Variants in SPOP observed in about 807,000 individuals in gnomAD.
SPOP encodes speckle type BTB/POZ protein.
In SPOP, 11 loss-of-function variants were observed where a neutral mutation model predicts 45.6. The observed-to-expected ratio is 0.24, with a 90% CI of 0.15 to 0.40. The LOEUF (loss-of-function observed/expected upper bound fraction) is 0.40. SPOP is among the 10% of genes least tolerant of loss of function. The pLI is 1.00. For missense variants in SPOP, 152 were observed against 465.6 expected (o/e 0.33, Z 6.20); for synonymous variants, 166 against 166.3 (o/e 1.00, Z 0.01).
Position 49,602,012 on chromosome 17 carries a change from A to G in SPOP, c.838-5T>C, listed in dbSNP as rs2071749051. 3 of 1,613,842 alleles carry G rather than the reference A, an allele frequency of 1.9e-6. No homozygotes were observed. The highest frequency in any genetic ancestry group is 1.6e-4 in the Middle Eastern group (1 of 6,082). On this transcript the variant is annotated splice_region_variant and splice_polypyrimidine_tract_variant and intron_variant, in intron 8 of 9. Coordinates refer to ENST00000504102, the MANE Select transcript of SPOP (RefSeq NM_001007228.2). ...CTTTAAGCGCTCCAGGGCATACTGT[A>G]AAACACAAGCACTGCTGTCATCAGA...
chr17:49,670,620 T>C (rs1326718139), intron 1 of SPOP, among the ~76,000 whole-genome samples: 1 of 152,210 alleles, frequency 6.6e-6, no homozygotes, highest in Non-Finnish European at 1.5e-5. Context: ...CGAAACCCAC[T>C]TTAGAATGCA....
At chr17:49,632,262 T>C (rs114403994) in intron 1 of SPOP, among the ~76,000 whole-genome samples, 3 of 152,326 alleles carry the variant, frequency 2.0e-5, no homozygotes, top group African/African-American at 7.2e-5. Context: ...TAAGAATTTA[T>C]TGAGTACATT....
At chr17:49,602,147 C>T in intron 8 of SPOP, 140 bp from the exon 9 acceptor site, 1 of 898,964 alleles carries the variant, frequency 1.1e-6, no homozygotes, top group South Asian at 2.3e-5. Flanking sequence ...GCTACTACTG[C>T]AATGATAAAA....
intron 3 of SPOP, among the ~76,000 whole-genome samples, chr17:49,620,020 A>G (rs2072186103): frequency 6.6e-6 from 1 of 152,026 alleles, no homozygotes; most frequent in Admixed American, 6.6e-5. Context: ...AAAGAAAAAA[A>G]CTAGTTGGGC....
intron 1 of SPOP, among the ~76,000 whole-genome samples, chr17:49,652,172 A>G (rs1309433883): frequency 6.6e-6 from 1 of 152,194 alleles, no homozygotes; most frequent in African/African-American, 2.4e-5. Flanking sequence ...TTGGATTCTG[A>G]GTATTTGGAT....
chr17:49,610,291 T>C (rs2071943975), intron 6 of SPOP, among the ~76,000 whole-genome samples: 1 of 151,926 alleles, frequency 6.6e-6, no homozygotes, highest in African/African-American at 2.4e-5. Context: ...TGATCTCGGC[T>C]CACTGCAACC....
At chr17:49,602,180 A>T in intron 8 of SPOP, 173 bp from the exon 9 acceptor site, 1 of 686,590 alleles carries the variant, frequency 1.5e-6, no homozygotes, top group Non-Finnish European at 2.2e-6. Flanking sequence ...TGAAGGTTAG[A>T]TGTTTAAGCT....
At chr17:49,638,358 AGGCAGGC>A (rs1235630516) in intron 1 of SPOP, among the ~76,000 whole-genome samples, 1 of 152,220 alleles carries the variant, frequency 6.6e-6, no homozygotes, top group Non-Finnish European at 1.5e-5. Flanking sequence ...TGGGAGGCCG[AGGCAGGC>A]GGATCACGAG....
chr17:49,663,707 C>T (rs1445963968), intron 1 of SPOP, among the ~76,000 whole-genome samples: 1 of 152,150 alleles, frequency 6.6e-6, no homozygotes, highest in African/African-American at 2.4e-5. Flanking sequence ...GCTGCTTTTT[C>T]CATGGAACCC....
chr17:49,630,012 C>T (rs1259627519), intron 1 of SPOP, among the ~76,000 whole-genome samples: 4 of 152,132 alleles, frequency 2.6e-5, no homozygotes, highest in Non-Finnish European at 4.4e-5. Context: ...TGGCTGGGAA[C>T]AGACCAGAGA....
At chr17:49,628,057 A>C (rs1330999094) in intron 1 of SPOP, among the ~76,000 whole-genome samples, 1 of 152,200 alleles carries the variant, frequency 6.6e-6, no homozygotes, top group Non-Finnish European at 1.5e-5. Flanking sequence ...CAGCAGAAAA[A>C]AATTTTAGAA....
chr17:49,661,961 C>T (rs1160225951), intron 1 of SPOP, among the ~76,000 whole-genome samples: 1 of 144,886 alleles, frequency 6.9e-6, no homozygotes, highest in Non-Finnish European at 1.5e-5. Context: ...TGCGGTGAGC[C>T]GAAATCATGC....
intron 1 of SPOP, among the ~76,000 whole-genome samples, chr17:49,637,370 G>A (rs545830887): frequency 3.0e-4 from 45 of 151,940 alleles, no homozygotes; most frequent in Non-Finnish European, 4.9e-4. Flanking sequence ...TTTTTTTTGA[G>A]ATGAAATCTC....
intron 5 of SPOP, among the ~76,000 whole-genome samples, chr17:49,614,971 G>A (rs2072053197): frequency 6.6e-6 from 1 of 151,904 alleles, no homozygotes; most frequent in Non-Finnish European, 1.5e-5. Flanking sequence ...CAATCCTCCT[G>A]CTTCACCCTC....
At chr17:49,602,164 C>T (rs936235920) in intron 8 of SPOP, 157 bp from the exon 9 acceptor site, 17 of 785,834 alleles carry the variant, frequency 2.2e-5, no homozygotes, top group Non-Finnish European at 3.2e-5. Context: ...AAAACATAAC[C>T]ATTTCTGAAG....
intron 5 of SPOP, among the ~76,000 whole-genome samples, chr17:49,614,303 T>C (rs1301303473): frequency 2.0e-5 from 3 of 152,216 alleles, no homozygotes; most frequent in Admixed American, 6.5e-5. Context: ...AAGACTATTA[T>C]ATACAGCACT....
chr17:49,635,273 C>G (rs573818723), intron 1 of SPOP, among the ~76,000 whole-genome samples: 1 of 152,224 alleles, frequency 6.6e-6, no homozygotes, highest in East Asian at 1.9e-4. Flanking sequence ...ATTCATGACT[C>G]AAGGAAAAAG....
intron 1 of SPOP, among the ~76,000 whole-genome samples, chr17:49,663,075 C>T (rs2073009697): frequency 6.6e-6 from 1 of 152,234 alleles, no homozygotes; most frequent in Non-Finnish European, 1.5e-5. Flanking sequence ...TGCCTTAGCA[C>T]AGGGGTCCCC....
At chr17:49,639,560 G>A (rs1254652906) in intron 1 of SPOP, among the ~76,000 whole-genome samples, 2 of 152,086 alleles carry the variant, frequency 1.3e-5, no homozygotes, top group African/African-American at 4.8e-5. Context: ...TCAAACTACA[G>A]TTCTATATAG....
Sources: gnomAD v4.1 joint callset for allele counts (sites outside exome capture counted in the v4.1 genomes callset) on GRCh38, gnomAD v4.1.1 for gene constraint, MANE v1.5 for transcripts, NCBI Gene and HGNC (gene_info 2026-07-23, HGNC 2026-07-21) for gene names.